KL: variants seen among roughly 807,000 people sequenced by gnomAD.
The protein encoded by KL is alpha-klotho.
Under a neutral mutation model 84.2 loss-of-function variants are expected in KL, and 62 were observed. The observed-to-expected ratio is 0.74, with a 90% CI of 0.60 to 0.91. KL has a LOEUF of 0.91. Ranked by LOEUF, KL falls within the 40% of genes least tolerant of loss-of-function variation. The pLI is 0.00. For missense variants in KL, 1,261 were observed against 1,305.7 expected, an observed-to-expected ratio of 0.97 and a Z score of 0.53; for synonymous variants, 528 against 528.0, an observed-to-expected ratio of 1.00 and a Z score of 0.00.
chr13:33,049,144 A>T (rs1236119076), intron 1 of KL, among the ~76,000 whole-genome samples: 1 of 152,236 alleles, frequency 6.6e-6, no homozygotes, highest in Non-Finnish European at 1.5e-5. Context: ...CCTGCCATAT[A>T]AAATTCCTTC....
Position 33,016,667 on chromosome 13 carries a change from C to T in KL, c.227C>T (p.Thr76Ile). 6.3e-7 allele frequency: 1 copy of T among 1,592,262 alleles called. No homozygotes were observed. The highest frequency in any genetic ancestry group is 8.5e-7 in the Non-Finnish European group (1 of 1,169,652). ...GCCGTGGGCAGCGCCGCCTACCAGACCGAGGGCGGCTGGCAGCAGCACGGC... is the reference window on the plus strand; with the variant it reads ...GCCGTGGGCAGCGCCGCCTACCAGATCGAGGGCGGCTGGCAGCAGCACGGC... ...LWAVGSAAYQ[T>I]EGGWQQHGKG... The change falls in exon 1 of 5, where the codon ACC (threonine) becomes ATC (isoleucine). Residue 76 changes from threonine (T) to isoleucine (I), a missense_variant. Physicochemically the swap from Thr to Ile is moderately conservative, Grantham distance 89. Coordinates refer to ENST00000380099, the MANE Select transcript of KL (RefSeq NM_004795.4).
chr13:33,052,732 A>C (rs183150472), intron 1 of KL, among the ~76,000 whole-genome samples: 39 of 152,306 alleles, frequency 2.6e-4, no homozygotes, highest in Non-Finnish European at 4.3e-4. Context: ...CAGGGAGTGG[A>C]ATGAAAATTG....
In KL at chr13:33,041,198, G is replaced by A. The variant is rs150071793; in HGVS notation, c.820-12569G>A. Among the ~76,000 whole-genome samples the A allele has an allele frequency of 2.8e-3, 425 of 152,124 alleles. 3 individuals are homozygous for A. The highest frequency in any genetic ancestry group is 9.8e-3 in the African/African-American group (408 of 41,496). ...AGTCCCACAATCACTCTATGTACTG[G>A]GAATCACAACAGTGGTCTCCTATGT... On this transcript the variant is annotated intron_variant, in intron 1 of 4. Transcript: ENST00000380099.
In KL at chr13:33,061,639, A is replaced by G. The variant is rs1422686516; in HGVS notation, c.2560A>G (p.Lys854Glu). The change falls in exon 4 of 5, where the codon AAA becomes GAA. Residue 854 changes from lysine to glutamate, a missense_variant. Transcript: ENST00000380099. ...QVAVVPWGLR[K>E]VLNWLKFKYG... ...GGCGGTAGTGCCCTGGGGGTTGCGC[A>G]AAGTGCTGAACTGGCTGAAGTTCAA... 2 of 1,614,208 alleles carry G rather than the reference A, an allele frequency of 1.2e-6. No individual in the cohort carries two copies. The highest frequency in any genetic ancestry group is 1.1e-5 in the South Asian group (1 of 91,078).
chr13:33,055,307 T>C lies in KL; in HGVS notation c.1591T>C (p.Tyr531His). 6.2e-7 allele frequency: 1 copy of C among 1,614,174 alleles called. No homozygotes were observed. Among genetic ancestry groups the C allele is most frequent in the Non-Finnish European group, 8.5e-7 (1 of 1,180,014 alleles). The change falls in exon 3 of 5, where the codon TAC becomes CAC. Residue 531 changes from tyrosine to histidine, a missense_variant. Physicochemically the swap from Tyr to His is moderately conservative, Grantham distance 83. Coordinates refer to ENST00000380099, the MANE Select transcript of KL (RefSeq NM_004795.4). ...CTTTGCTTGGGGAGTTGTTGACAAC[T>C]ACATTCAAGTAAGTCAGCTGACAAA... ...CDFAWGVVDN[Y>H]IQVDTTLSQF...
In KL at chr13:33,064,501, A is replaced by C. The variant is rs1872333930; in HGVS notation, c.*315A>C. ...ATGCAACATTTGTGCAGAAATTTGA[A>C]TGACAAGATTAGGAATATTTTCTTC... On this transcript the variant is annotated 3_prime_UTR_variant, in exon 5 of 5. Transcript: ENST00000380099. The C allele has an allele frequency of 3.3e-6, 1 of 303,726 alleles. No individual in the cohort carries two copies. Among genetic ancestry groups the C allele is most frequent in the Non-Finnish European group, 6.2e-6 (1 of 161,914 alleles). The allele number at this position is 303,726 out of a possible 1,614,324, so 18.8% of individuals were successfully genotyped here.
chr13:33,047,671 T>A (rs1012520543), intron 1 of KL, among the ~76,000 whole-genome samples: 1 of 152,232 alleles, frequency 6.6e-6, no homozygotes, highest in South Asian at 2.1e-4. Context: ...CTTGGAACAT[T>A]TAGTCCATGT....
intron 1 of KL, among the ~76,000 whole-genome samples, chr13:33,022,175 C>T (rs1017503787): frequency 1.3e-5 from 2 of 152,204 alleles, no homozygotes; most frequent in Non-Finnish European, 2.9e-5. Context: ...GTAAACTATG[C>T]ATTCAAGTAA....
At chr13:33,046,748 G>T (rs34503756) in intron 1 of KL, among the ~76,000 whole-genome samples, 53,214 of 102,240 alleles carry the variant, frequency 0.52, 10,469 homozygotes, top group Admixed American at 0.64. Context: ...GATATATCTT[G>T]TTTTTTTTTT....
chr13:33,046,681 G>C (rs1871540654), intron 1 of KL, among the ~76,000 whole-genome samples: 1 of 149,018 alleles, frequency 6.7e-6, no homozygotes, highest in Non-Finnish European at 1.5e-5. Flanking sequence ...TCTGTTAGCT[G>C]TGAGTTTAGT....
chr13:33,050,396 A>G (rs956310642), intron 1 of KL, among the ~76,000 whole-genome samples: 2 of 152,338 alleles, frequency 1.3e-5, no homozygotes, highest in Non-Finnish European at 2.9e-5. Flanking sequence ...CATAATATTT[A>G]ATCTGTCAAA....
At chr13:33,024,816 T>G (rs759181075) in intron 1 of KL, among the ~76,000 whole-genome samples, 10 of 152,122 alleles carry the variant, frequency 6.6e-5, no homozygotes, top group Non-Finnish European at 1.0e-4. Context: ...CCTGCACAGG[T>G]GCGGGGACAG....
At chr13:33,038,275 A>G (rs1871214274) in intron 1 of KL, among the ~76,000 whole-genome samples, 1 of 152,204 alleles carries the variant, frequency 6.6e-6, no homozygotes, top group Admixed American at 6.5e-5. Flanking sequence ...CTGTAGCCTA[A>G]TTAGGTTGAT....
chr13:33,042,472 ACT>A (rs1214289371), intron 1 of KL, among the ~76,000 whole-genome samples: 1 of 152,094 alleles, frequency 6.6e-6, no homozygotes, highest in African/African-American at 2.4e-5. Context: ...GAATCAAACA[ACT>A]CTGTGAATGT....
chr13:33,065,968 C>T lies in KL; in HGVS notation c.*1782C>T, dbSNP rs910211355. 6 of 176,482 alleles carry T rather than the reference C, an allele frequency of 3.4e-5. No homozygotes were observed. Among genetic ancestry groups the T allele is most frequent in the Non-Finnish European group, 7.3e-5 (6 of 82,024 alleles). The allele number at this position is 176,482 out of a possible 1,614,324, so 10.9% of individuals were successfully genotyped here. A position where few individuals can be genotyped will look rare whatever the true frequency, so the allele number is the denominator to read the frequency against. On this transcript the variant is annotated 3_prime_UTR_variant, in exon 5 of 5. Transcript: ENST00000380099. ...CCACAGGAATGTATCACAACTTAAC[C>T]GTTCCCGTTTGTTAGACTAGTTTCT... is the stretch of plus-strand genomic sequence containing the variant.
At chr13:33,038,586 C>A (rs1184311062) in intron 1 of KL, among the ~76,000 whole-genome samples, 1 of 152,078 alleles carries the variant, frequency 6.6e-6, no homozygotes, top group Non-Finnish European at 1.5e-5. Flanking sequence ...ATCAACTAGA[C>A]CATTTGGTGA....
intron 4 of KL, among the ~76,000 whole-genome samples, chr13:33,062,173 G>T (rs909703474): frequency 6.6e-6 from 1 of 152,134 alleles, no homozygotes; most frequent in African/African-American, 2.4e-5. Context: ...GAGCCTAGAA[G>T]TTTGAGACCA....
intron 1 of KL, among the ~76,000 whole-genome samples, chr13:33,035,378 T>C (rs1566501757): frequency 6.6e-6 from 1 of 152,218 alleles, no homozygotes; most frequent in African/African-American, 2.4e-5. Context: ...AAGTAGAATG[T>C]TTAGAAAATA....
intron 1 of KL, among the ~76,000 whole-genome samples, chr13:33,021,286 C>G (rs1046583266): frequency 6.6e-6 from 1 of 152,180 alleles, no homozygotes; most frequent in African/African-American, 2.4e-5. Context: ...CATAACGTGG[C>G]AGACTCTGAC....
Sources: allele counts gnomAD v4.1 joint callset (sites outside exome capture counted in the v4.1 genomes callset), GRCh38; gene constraint gnomAD v4.1.1; transcripts MANE v1.5; gene names NCBI Gene and HGNC (gene_info 2026-07-23, HGNC 2026-07-21).